Variants in PCSK5 observed in about 807,000 individuals in gnomAD.
PCSK5 encodes the protein prohormone convertase 5.
A neutral mutation model predicts 233.2 loss-of-function variants in PCSK5; 129 were observed. That is an observed-to-expected ratio of 0.55 (90% confidence interval 0.48 to 0.64). PCSK5 has a LOEUF of 0.64. Among genes scored for constraint, PCSK5 ranks in the 30% least tolerant of loss-of-function variants. The pLI is 0.00. For missense variants in PCSK5, 2,076 were observed against 2,430.1 expected (o/e 0.85, Z 3.06); for synonymous variants, 825 against 879.2 (o/e 0.94, Z 1.09).
At chr9:76,202,438 C>A (rs1368405284) in intron 20 of PCSK5, among the ~76,000 whole-genome samples, 2 of 152,244 alleles carry the variant, frequency 1.3e-5, no homozygotes, top group Non-Finnish European at 2.9e-5. Context: ...GCATGAGACT[C>A]CACTCCCCTG....
chr9:75,975,150 A>G (rs1343117828), intron 2 of PCSK5, among the ~76,000 whole-genome samples: 7 of 152,090 alleles, frequency 4.6e-5, no homozygotes, highest in Non-Finnish European at 1.0e-4. Context: ...CCTGGTACCC[A>G]GCTCTGAACT....
At chr9:76,009,362 C>T (rs570127085) in intron 3 of PCSK5, among the ~76,000 whole-genome samples, 5 of 151,850 alleles carry the variant, frequency 3.3e-5, no homozygotes, top group Middle Eastern at 3.4e-3. Flanking sequence ...TTCAAGTAAC[C>T]TTTAAAAATC....
intron 12 of PCSK5, among the ~76,000 whole-genome samples, chr9:76,163,874 T>A (rs78311896): frequency 7.0e-6 from 1 of 143,494 alleles, no homozygotes; most frequent in South Asian, 2.2e-4. Flanking sequence ...TTTTTTTTTT[T>A]TTTTTCCTGA....
chr9:76,292,834 C>T (rs1021452192), intron 25 of PCSK5, among the ~76,000 whole-genome samples: 2 of 152,194 alleles, frequency 1.3e-5, no homozygotes, highest in South Asian at 4.1e-4. Flanking sequence ...CCAGCACACA[C>T]TGTTGACCGT....
At chr9:76,322,896 A>T (rs1829248249) in intron 31 of PCSK5, among the ~76,000 whole-genome samples, 156 bp from the exon 32 acceptor site, 1 of 152,236 alleles carries the variant, frequency 6.6e-6, no homozygotes, top group African/African-American at 2.4e-5. Context: ...AGGGCTTGTT[A>T]GACATCAAGT....
intron 30 of PCSK5, among the ~76,000 whole-genome samples, chr9:76,319,238 G>C (rs1483119936): frequency 6.6e-6 from 1 of 152,128 alleles, no homozygotes; most frequent in Admixed American, 6.5e-5. Flanking sequence ...GCCAAGGTGG[G>C]CGGATCACGA....
intron 7 of PCSK5, among the ~76,000 whole-genome samples, chr9:76,088,739 C>T (rs997279382): frequency 2.6e-5 from 4 of 152,258 alleles, no homozygotes; most frequent in Non-Finnish European, 4.4e-5. Context: ...ACCTTTACCA[C>T]GACTACATTA....
At chr9:75,964,510 A>G (rs984641186) in intron 2 of PCSK5, among the ~76,000 whole-genome samples, 5 of 152,204 alleles carry the variant, frequency 3.3e-5, no homozygotes, top group Admixed American at 2.0e-4. Context: ...GTTGAAAAAA[A>G]CATGCCAACA....
At chr9:76,022,045 C>A (rs1828215845) in intron 3 of PCSK5, among the ~76,000 whole-genome samples, 1 of 152,208 alleles carries the variant, frequency 6.6e-6, no homozygotes, top group Non-Finnish European at 1.5e-5. Context: ...GGCAGACCAA[C>A]TCCTTCTCAC....
chr9:76,354,352 C>T, intron 37 of PCSK5, 133 bp downstream of exon 37: 1 of 658,416 alleles, frequency 1.5e-6, no homozygotes, highest in Non-Finnish European at 2.6e-6. Context: ...CTACTATGGG[C>T]CTACTGTACT....
At chr9:76,148,096 T>C (rs906770845) in intron 10 of PCSK5, among the ~76,000 whole-genome samples, 2 of 151,870 alleles carry the variant, frequency 1.3e-5, no homozygotes, top group African/African-American at 4.8e-5. Context: ...TTGTTTCTAC[T>C]TCCACCTTTG....
intron 20 of PCSK5, among the ~76,000 whole-genome samples, chr9:76,198,845 G>T (rs1824800532): frequency 6.6e-6 from 1 of 152,128 alleles, no homozygotes; most frequent in Non-Finnish European, 1.5e-5. Context: ...CCTTTAAAGG[G>T]TATAAAATAT....
intron 5 of PCSK5, among the ~76,000 whole-genome samples, chr9:76,055,762 A>G (rs975744155): frequency 6.6e-5 from 10 of 152,184 alleles, no homozygotes; most frequent in Admixed American, 2.0e-4. Context: ...AAGTCATTAT[A>G]CAAGGAGCTA....
intron 1 of PCSK5, among the ~76,000 whole-genome samples, chr9:75,931,977 A>G (rs1422237922): frequency 6.6e-6 from 1 of 152,246 alleles, no homozygotes; most frequent in African/African-American, 2.4e-5. Flanking sequence ...CCTTCATTGT[A>G]CATTTCTCAG....
chr9:75,912,360 G>T (rs1360188333), intron 1 of PCSK5, among the ~76,000 whole-genome samples: 1 of 152,212 alleles, frequency 6.6e-6, no homozygotes, highest in Non-Finnish European at 1.5e-5. Flanking sequence ...GAGTGAGCAA[G>T]AGAGTGGTAG....
At chr9:76,068,338 C>T (rs1225189284) in intron 6 of PCSK5, among the ~76,000 whole-genome samples, 1 of 152,022 alleles carries the variant, frequency 6.6e-6, no homozygotes, top group African/African-American at 2.4e-5. Context: ...TACCAAAATG[C>T]TACAATTGGT....
intron 1 of PCSK5, among the ~76,000 whole-genome samples, chr9:75,925,379 A>AG (rs1309247852): frequency 6.6e-6 from 1 of 152,208 alleles, no homozygotes; most frequent in Non-Finnish European, 1.5e-5. Context: ...CCTCAATGCC[A>AG]GGGGCTATTC....
At chr9:76,163,848 T>A (rs1363678617) in intron 12 of PCSK5, among the ~76,000 whole-genome samples, 1 of 144,224 alleles carries the variant, frequency 6.9e-6, no homozygotes, top group East Asian at 2.2e-4. Flanking sequence ...GTTAGAATTA[T>A]AAAAAGCTGT....
At chr9:76,149,804 TCA>T (rs1395040417) in intron 10 of PCSK5, among the ~76,000 whole-genome samples, 1 of 152,224 alleles carries the variant, frequency 6.6e-6, no homozygotes, top group African/African-American at 2.4e-5. Flanking sequence ...GAAATACCCA[TCA>T]ATTATCTTAA....
Sources: gnomAD v4.1 joint callset for allele counts (sites outside exome capture counted in the v4.1 genomes callset) on GRCh38, gnomAD v4.1.1 for gene constraint, MANE v1.5 for transcripts, NCBI Gene and HGNC (gene_info 2026-07-23, HGNC 2026-07-21) for gene names.